Variants in TTBK2 observed in about 807,000 individuals in gnomAD.
The protein encoded by TTBK2 is tau-tubulin kinase 2.
TTBK2 carries 28 observed loss-of-function variants against 110.8 expected under a neutral mutation model. That is an observed-to-expected ratio of 0.25 (90% CI 0.19 to 0.35). TTBK2 has a LOEUF of 0.35. TTBK2 is among the 10% of genes least tolerant of loss of function. TTBK2 has a pLI of 1.00. For synonymous variants in TTBK2, 532 were observed against 527.3 expected (o/e 1.01, Z -0.12); for missense variants, 1,369 against 1,500.3 (o/e 0.91, Z 1.45).
rs987785806 is a variant in TTBK2 at position 42,739,987 on chromosome 15, T to A, written c.*5808A>T. ...TTTTAATTAGGCGAGTGAACACTTA[T>A]GTACATAATATTAAATAATATTAAA... is the stretch of plus-strand genomic sequence containing the variant. On this transcript the variant is annotated 3_prime_UTR_variant, in exon 15 of 15. Transcript: ENST00000267890. The A allele has an allele frequency of 6.6e-6, 1 of 152,220 alleles. No individual in the cohort carries two copies. The highest frequency in any genetic ancestry group is 1.5e-5 in the Non-Finnish European group (1 of 68,038). 9.4% of individuals were successfully genotyped at this position (152,220 alleles called of 1,614,324 possible).
chr15:42,802,699 T>C (rs550748575), intron 9 of TTBK2, among the ~76,000 whole-genome samples: 1 of 152,334 alleles, frequency 6.6e-6, no homozygotes, highest in Non-Finnish European at 1.5e-5. Flanking sequence ...AGGCATTTCA[T>C]TGTGCAAGCA....
intron 9 of TTBK2, chr15:42,798,274 G>C (rs1891033392): frequency 2.2e-6 from 1 of 456,046 alleles, no homozygotes; most frequent in Admixed American, 2.4e-5. Flanking sequence ...TCTCAAACTG[G>C]AAAGGGAGAA....
intron 13 of TTBK2, among the ~76,000 whole-genome samples, chr15:42,764,700 G>C (rs1184456985): frequency 6.6e-6 from 1 of 152,268 alleles, no homozygotes; most frequent in African/African-American, 2.4e-5. Flanking sequence ...ACAAAAGGCA[G>C]CAGAAACTTT....
At position 42,752,141 on chromosome 15, in the gene TTBK2, T is replaced by A; in HGVS notation, c.3105A>T (p.Ser1035=). 1 of 1,614,218 alleles carries A rather than the reference T, an allele frequency of 6.2e-7. No homozygotes were observed. Among genetic ancestry groups the A allele is most frequent in the Non-Finnish European group, 8.5e-7 (1 of 1,180,036 alleles). Residue 1035 remains serine (S), a synonymous_variant, in exon 14 of 15, where the codon TCA becomes TCT. Transcript: ENST00000267890. ...TGGGTGACAGAAAGCTATCTTCAGC[T>A]GACCTACTCAGGTGAGAATCTACTG... ...RLTVDSHLSR[S]AEDSFLSPII... is the part of the protein sequence containing the mutation.
At chr15:42,746,692 G>A (rs200608233) in intron 14 of TTBK2, among the ~76,000 whole-genome samples, 4 of 152,154 alleles carry the variant, frequency 2.6e-5, no homozygotes, top group South Asian at 2.1e-4. Flanking sequence ...CTACAAACAC[G>A]AAATCCCACA....
chr15:42,804,872 C>T (rs866479924), intron 9 of TTBK2, among the ~76,000 whole-genome samples: 1 of 152,202 alleles, frequency 6.6e-6, no homozygotes, highest in Non-Finnish European at 1.5e-5. Context: ...TTTGGGGCCA[C>T]TGAACTGCTG....
chr15:42,760,374 G>A (rs1349325778), intron 13 of TTBK2, among the ~76,000 whole-genome samples: 1 of 101,742 alleles, frequency 9.8e-6, no homozygotes, highest in Admixed American at 1.5e-4. Flanking sequence ...GGCAGAGTGA[G>A]ACTCCATCTC....
In TTBK2 at chr15:42,815,916, ATATATATATTT is replaced by A. The variant is rs1567040340; in HGVS notation, c.603+1105_603+1115del. ...AAAATATATATATATATTTAAAAAT[ATATATATATTT>A]AAAAATATATATATATATATTTAAA... On this transcript the variant is annotated intron_variant, in intron 7 of 14. Transcript: ENST00000267890. Among the ~76,000 whole-genome samples the A allele has an allele frequency of 8.9e-4, 91 of 102,382 alleles. 1 individual carries two copies. The highest frequency in any genetic ancestry group is 4.3e-3 in the African/African-American group (84 of 19,492). 67.2% of individuals were successfully genotyped at this position (102,382 alleles called of 152,430 possible).
intron 1 of TTBK2, among the ~76,000 whole-genome samples, chr15:42,886,382 G>C (rs1295217841): frequency 1.3e-5 from 2 of 152,116 alleles, no homozygotes; most frequent in Non-Finnish European, 2.9e-5. Context: ...GCATACTCAA[G>C]GTTAATGCTC....
chr15:42,902,003 G>C (rs1228232051), intron 1 of TTBK2, among the ~76,000 whole-genome samples: 2 of 151,900 alleles, frequency 1.3e-5, no homozygotes, highest in East Asian at 3.9e-4. Flanking sequence ...ATCACCTGAG[G>C]TCAGGAGTTC....
At chr15:42,786,590 C>T (rs1173304237) in intron 10 of TTBK2, among the ~76,000 whole-genome samples, 1 of 152,106 alleles carries the variant, frequency 6.6e-6, no homozygotes, top group African/African-American at 2.4e-5. Context: ...TTCCTTCTTT[C>T]ACACCTCAGG....
chr15:42,870,379 G>T (rs1036463473), intron 3 of TTBK2, among the ~76,000 whole-genome samples: 1 of 152,010 alleles, frequency 6.6e-6, no homozygotes, highest in Non-Finnish European at 1.5e-5. Context: ...TACTAGTAAT[G>T]AGAGTTTTGC....
intron 1 of TTBK2, among the ~76,000 whole-genome samples, chr15:42,898,500 G>A (rs550923786): frequency 6.7e-6 from 1 of 150,306 alleles, no homozygotes; most frequent in East Asian, 2.0e-4. Flanking sequence ...GGCAGAGTGA[G>A]ACTCTGTCTC....
intron 11 of TTBK2, among the ~76,000 whole-genome samples, chr15:42,779,538 C>A (rs1890091729): frequency 6.6e-6 from 1 of 152,042 alleles, no homozygotes; most frequent in African/African-American, 2.4e-5. Flanking sequence ...TAGAAAGAGT[C>A]CTCTACCAAA....
intron 13 of TTBK2, among the ~76,000 whole-genome samples, chr15:42,755,011 G>GAA (rs71431863): frequency 0.053 from 3,654 of 68,992 alleles, 269 homozygotes; most frequent in African/African-American, 0.14. Flanking sequence ...TCCATCTCAG[G>GAA]AAAAAAAAAA....
At chr15:42,784,522 C>A (rs1194441403) in intron 10 of TTBK2, among the ~76,000 whole-genome samples, 2 of 152,186 alleles carry the variant, frequency 1.3e-5, no homozygotes, top group African/African-American at 4.8e-5. Context: ...AGGTGATCTG[C>A]CTGCCTTGGC....
chr15:42,793,957 A>G (rs1295524406), intron 10 of TTBK2, among the ~76,000 whole-genome samples: 1 of 151,926 alleles, frequency 6.6e-6, no homozygotes, highest in Non-Finnish European at 1.5e-5. Flanking sequence ...ACTCTGTTGC[A>G]TAGGCTAGAG....
At position 42,752,396 on chromosome 15, in the gene TTBK2, T is replaced by C. The variant is rs574547214; in HGVS notation, c.2850A>G (p.Gln950=). The change falls in exon 14 of 15, where the codon CAA becomes CAG. Residue 950 remains glutamine, a synonymous_variant. Transcript: ENST00000267890. ...ATGATTCCAAAGTTGAGTCTATCTC[T>C]TGTGCTAAAACAGGGATTCGGCTGT... is the stretch of plus-strand genomic sequence containing the variant. The part of the protein sequence containing the change: ...TRHSRIPVLA[Q]EIDSTLESSS... 2.9e-5 allele frequency: 47 copies of C among 1,614,236 alleles called. No homozygotes were observed. Among genetic ancestry groups the C allele is most frequent in the South Asian group, 2.7e-4 (25 of 91,086 alleles).
chr15:42,828,551 TA>T (rs376055381), intron 5 of TTBK2, among the ~76,000 whole-genome samples: 533 of 140,756 alleles, frequency 3.8e-3, no homozygotes, highest in Non-Finnish European at 3.8e-3. Context: ...CCGTTTCTAC[TA>T]AAAAAAAAAA....
Sources: allele counts gnomAD v4.1 joint callset (sites outside exome capture counted in the v4.1 genomes callset), GRCh38; gene constraint gnomAD v4.1.1; transcripts MANE v1.5; gene names NCBI Gene and HGNC (gene_info 2026-07-23, HGNC 2026-07-21).